Variants in USH2A observed in about 807,000 individuals in gnomAD.
USH2A encodes the protein usherin.
USH2A carries 443 observed loss-of-function variants against 538.9 expected under a neutral mutation model. That is an observed-to-expected ratio of 0.82 (90% confidence interval 0.76 to 0.89). The LOEUF (loss-of-function observed/expected upper bound fraction) is 0.89, where lower values mean the gene tolerates loss of function less well. Among genes scored for constraint, USH2A ranks in the 40% least tolerant of loss-of-function variants. USH2A has a pLI of 0.00. For missense variants in USH2A, 6,633 were observed against 6,324.8 expected, an observed-to-expected ratio of 1.05 and a Z score of -1.65; for synonymous variants, 2,413 against 2,273.5, an observed-to-expected ratio of 1.06 and a Z score of -1.75.
intron 17 of USH2A, 63 bp downstream of exon 17, chr1:216,199,564 A>G (rs1252857245): frequency 1.1e-4 from 179 of 1,611,444 alleles, no homozygotes; most frequent in Non-Finnish European, 1.5e-4. Context: ...CTAATTGCAC[A>G]ATTACAATAG....
rs146409058 is a variant in USH2A, at chr1:215,915,156, C to A, written c.7301-14251G>T. Among the ~76,000 whole-genome samples the A allele has an allele frequency of 2.6e-3, 401 of 152,200 alleles. 3 individuals are homozygous for A. The highest frequency in any genetic ancestry group is 8.8e-3 in the African/African-American group (367 of 41,568). On this transcript the variant is annotated intron_variant, in intron 38 of 71. Coordinates refer to ENST00000307340, the MANE Select transcript of USH2A (RefSeq NM_206933.4). ...CATAAATGACTTGCACAAGACCACA[C>A]AAGTAATGAGGGGTTTGTGCTGCTG...
intron 19 of USH2A, among the ~76,000 whole-genome samples, chr1:216,196,338 A>T (rs1006329024): frequency 2.6e-5 from 4 of 152,162 alleles, no homozygotes; most frequent in African/African-American, 9.6e-5. Context: ...TATGAAATAA[A>T]TTATACCAAC....
chr1:215,870,326 C>T lies in USH2A; in HGVS notation c.8682-3156G>A, dbSNP rs139839269. Among the ~76,000 whole-genome samples, 1,113 of 150,656 alleles carry T rather than the reference C, an allele frequency of 7.4e-3. 10 individuals are homozygous for T. The highest frequency in any genetic ancestry group is 0.025 in the African/African-American group (1,041 of 40,998). ...TATTTATTTTTTTGAGACGGAGTCT[C>T]GCTCTGTGCCCAGGCTGGAGTGCAG... On this transcript the variant is annotated intron_variant, in intron 43 of 71. Transcript: ENST00000307340.
At chr1:216,348,597 A>G (rs776100316) in intron 4 of USH2A, among the ~76,000 whole-genome samples, 3 of 152,124 alleles carry the variant, frequency 2.0e-5, no homozygotes, top group Non-Finnish European at 4.4e-5. Context: ...TTAAAATCCT[A>G]TGTGAAAAAT....
At chr1:215,727,382 A>G (rs1320686469) in intron 61 of USH2A, among the ~76,000 whole-genome samples, 2 of 152,164 alleles carry the variant, frequency 1.3e-5, no homozygotes, top group African/African-American at 4.8e-5. Flanking sequence ...GGAGGAAAGC[A>G]TTACATTATT....
intron 61 of USH2A, among the ~76,000 whole-genome samples, chr1:215,711,602 G>T (rs1344159140): frequency 6.6e-6 from 1 of 151,908 alleles, no homozygotes; most frequent in African/African-American, 2.4e-5. Flanking sequence ...AAGTTTTTCT[G>T]GGGGGTCTCT....
chr1:216,343,524 T>TAA (rs1558046791), intron 4 of USH2A, among the ~76,000 whole-genome samples: 18 of 132,770 alleles, frequency 1.4e-4, no homozygotes, highest in African/African-American at 4.5e-4. Context: ...ATACTACATC[T>TAA]TAAAAAAAAA....
At chr1:216,159,125 A>G (rs1335158949) in intron 21 of USH2A, among the ~76,000 whole-genome samples, 2 of 152,172 alleles carry the variant, frequency 1.3e-5, no homozygotes, top group African/African-American at 4.8e-5. Context: ...AATAAAAATA[A>G]TGACATCTAC....
At chr1:216,327,370 A>T (rs955751725) in intron 5 of USH2A, among the ~76,000 whole-genome samples, 1 of 152,166 alleles carries the variant, frequency 6.6e-6, no homozygotes, top group Non-Finnish European at 1.5e-5. Context: ...ATCCTTAGGA[A>T]AAATGTGATC....
At chr1:216,280,090 A>T (rs1027115867) in intron 11 of USH2A, among the ~76,000 whole-genome samples, 1 of 151,760 alleles carries the variant, frequency 6.6e-6, no homozygotes, top group South Asian at 2.1e-4. Context: ...AAGAGGCATC[A>T]TCTAGGCCTG....
intron 21 of USH2A, among the ~76,000 whole-genome samples, chr1:216,149,390 C>G (rs1029389754): frequency 6.6e-6 from 1 of 152,158 alleles, no homozygotes; most frequent in East Asian, 1.9e-4. Flanking sequence ...TTCTCAGGCT[C>G]TTGGTATTCA....
intron 18 of USH2A, among the ~76,000 whole-genome samples, chr1:216,197,175 G>T (rs1187735166): frequency 6.6e-6 from 1 of 152,018 alleles, no homozygotes; most frequent in African/African-American, 2.4e-5. Flanking sequence ...TTCAGAAAGA[G>T]GTAAACCTAA....
chr1:216,418,948 AG>A (rs1182088581), intron 2 of USH2A, among the ~76,000 whole-genome samples: 3 of 152,136 alleles, frequency 2.0e-5, no homozygotes, highest in Non-Finnish European at 2.9e-5. Context: ...TGGAAACTAA[AG>A]TGGTTGAATC....
chr1:215,782,207 C>A lies in USH2A; in HGVS notation c.10586-11G>T, dbSNP rs1661664042. 1.9e-6 allele frequency: 3 copies of A among 1,613,286 alleles called. No individual in the cohort carries two copies. The highest frequency in any genetic ancestry group is 1.3e-5 in the African/African-American group (1 of 75,006). On this transcript the variant is annotated splice_polypyrimidine_tract_variant and intron_variant, in intron 53 of 71. Coordinates refer to ENST00000307340, the MANE Select transcript of USH2A (RefSeq NM_206933.4). ...AGTAAATAATAGGACCTAAAAGAAG[C>A]AGAAAAATGACTGCATTTGAATGTG...
intron 3 of USH2A, 39 bp downstream of exon 3, chr1:216,418,475 G>C (rs766761890): frequency 6.2e-7 from 1 of 1,602,274 alleles, no homozygotes; most frequent in Non-Finnish European, 8.5e-7. Context: ...ACAAATCCTT[G>C]TGTTTAACCA....
intron 47 of USH2A, among the ~76,000 whole-genome samples, chr1:215,821,225 C>CT (rs1193226722): frequency 6.6e-6 from 1 of 151,680 alleles, no homozygotes; most frequent in East Asian, 1.9e-4. Flanking sequence ...TAGAGTTCCC[C>CT]TTTCTCCACA....
chr1:216,351,137 AT>A (rs1020733762), intron 4 of USH2A, among the ~76,000 whole-genome samples: 17 of 152,190 alleles, frequency 1.1e-4, no homozygotes, highest in Admixed American at 5.2e-4. Context: ...TCAGTGAGTA[AT>A]GCAAATAAAA....
intron 40 of USH2A, among the ~76,000 whole-genome samples, chr1:215,895,425 A>G (rs1026225223): frequency 2.0e-5 from 3 of 152,168 alleles, no homozygotes; most frequent in African/African-American, 7.2e-5. Flanking sequence ...TTCACAGAGG[A>G]AGTGACACTT....
At chr1:215,830,679 A>G (rs1286919789) in intron 47 of USH2A, among the ~76,000 whole-genome samples, 5 of 152,206 alleles carry the variant, frequency 3.3e-5, no homozygotes, top group Non-Finnish European at 5.9e-5. Flanking sequence ...ACTCAACTCC[A>G]AGCTGCACAT....
Sources: allele counts gnomAD v4.1 joint callset (sites outside exome capture counted in the v4.1 genomes callset), GRCh38; gene constraint gnomAD v4.1.1; transcripts MANE v1.5; gene names NCBI Gene and HGNC (gene_info 2026-07-23, HGNC 2026-07-21).